The following CHSY3 variants were observed in gnomAD, a reference collection of about 807,000 sequenced individuals.
The protein encoded by CHSY3 is N-acetylgalactosaminyl-proteoglycan 3-beta-glucuronosyltransferase 3.
Under a neutral mutation model 67.2 loss-of-function variants are expected in CHSY3, and 35 were observed. That is an observed-to-expected ratio of 0.52 (90% CI 0.40 to 0.69). The LOEUF (loss-of-function observed/expected upper bound fraction) is 0.69, where lower values mean the gene tolerates loss of function less well. Ranked by LOEUF, CHSY3 falls within the 30% of genes least tolerant of loss-of-function variation. The pLI, the probability that CHSY3 is intolerant of heterozygous loss-of-function variation, is 0.00. For synonymous variants in CHSY3, 474 were observed against 434.7 expected, an observed-to-expected ratio of 1.09 and a Z score of -1.12; for missense variants, 1,069 against 1,138.5, an observed-to-expected ratio of 0.94 and a Z score of 0.88.
At chr5:130,164,789 C>T (rs1030136452) in intron 2 of CHSY3, among the ~76,000 whole-genome samples, 7 of 152,020 alleles carry the variant, frequency 4.6e-5, no homozygotes, top group African/African-American at 7.2e-5. Flanking sequence ...GATCAATAAA[C>T]AAATGTAAAA....
At chr5:130,017,314 C>T (rs1193526782) in intron 2 of CHSY3, among the ~76,000 whole-genome samples, 1 of 152,008 alleles carries the variant, frequency 6.6e-6, no homozygotes, top group Non-Finnish European at 1.5e-5. Flanking sequence ...TGATTGGAAT[C>T]CTGCTGCTTT....
chr5:130,099,508 G>A (rs1228030796), intron 2 of CHSY3, among the ~76,000 whole-genome samples: 2 of 152,116 alleles, frequency 1.3e-5, no homozygotes, highest in African/African-American at 4.8e-5. Flanking sequence ...AATATCCCCC[G>A]TCTTTATAAG....
At chr5:130,157,200 A>G (rs1364752519) in intron 2 of CHSY3, among the ~76,000 whole-genome samples, 1 of 152,256 alleles carries the variant, frequency 6.6e-6, no homozygotes, top group Non-Finnish European at 1.5e-5. Flanking sequence ...GTGAAGATTA[A>G]TAGAATAAAT....
intron 2 of CHSY3, among the ~76,000 whole-genome samples, chr5:130,050,150 C>G (rs1428335793): frequency 6.6e-6 from 1 of 152,098 alleles, no homozygotes; most frequent in Non-Finnish European, 1.5e-5. Flanking sequence ...GAATACACAT[C>G]AAACTACAAC....
In CHSY3 at chr5:130,185,405, A is replaced by G; in HGVS notation, c.2263A>G (p.Thr755Ala). The change falls in exon 3 of 3, where the codon ACA becomes GCA. Residue 755 changes from threonine (T) to alanine (A), a missense_variant. Thr to Ala is a moderately conservative substitution (Grantham distance 58). This residue lies in a region of CHSY3 where 139 missense variants were observed against 152.8 expected (regional missense o/e 0.91). Coordinates refer to ENST00000305031, the MANE Select transcript of CHSY3 (RefSeq NM_175856.5). ...IIFSQYDPKV[T>A]NGGNPPTDDY... is the part of the protein sequence containing the mutation. ...CTTTAGCCAGTATGACCCAAAGGTA[A>G]CAAACGGGGGAAATCCTCCCACTGA... The G allele has an allele frequency of 1.5e-5, 25 of 1,613,468 alleles. No homozygotes were observed. The highest frequency in any genetic ancestry group is 2.0e-5 in the Non-Finnish European group (24 of 1,179,400).
chr5:130,022,617 AT>A (rs1764426277), intron 2 of CHSY3, among the ~76,000 whole-genome samples: 1 of 151,918 alleles, frequency 6.6e-6, no homozygotes, highest in Admixed American at 6.6e-5. Context: ...TTAAAAATAC[AT>A]TTTTGACCAG....
chr5:129,954,141 T>C (rs889191319), intron 2 of CHSY3, among the ~76,000 whole-genome samples: 12 of 152,318 alleles, frequency 7.9e-5, no homozygotes, highest in African/African-American at 2.9e-4. Context: ...TAATCCATCT[T>C]GAGTTAATTT....
At chr5:130,101,763 C>T (rs1422414629) in intron 2 of CHSY3, among the ~76,000 whole-genome samples, 2 of 152,022 alleles carry the variant, frequency 1.3e-5, no homozygotes, top group Admixed American at 1.3e-4. Context: ...ATAAAAGGGA[C>T]ACTGGGAAAT....
At chr5:129,943,680 T>G (rs1295780686) in intron 2 of CHSY3, among the ~76,000 whole-genome samples, 1 of 152,212 alleles carries the variant, frequency 6.6e-6, no homozygotes, top group East Asian at 1.9e-4. Flanking sequence ...CTAACTACTT[T>G]GCAGACAGGT....
chr5:130,029,992 A>G (rs1764660288), intron 2 of CHSY3, among the ~76,000 whole-genome samples: 1 of 152,194 alleles, frequency 6.6e-6, no homozygotes, highest in South Asian at 2.1e-4. Flanking sequence ...GAAAGTTACT[A>G]CAGACACAAA....
intron 2 of CHSY3, among the ~76,000 whole-genome samples, chr5:130,084,240 T>G (rs1280266522): frequency 6.6e-6 from 1 of 152,022 alleles, no homozygotes; most frequent in African/African-American, 2.4e-5. Flanking sequence ...TGGGAATTTC[T>G]AATATTGAAC....
At chr5:130,140,608 CT>C in intron 2 of CHSY3, 1 of 436,516 alleles carries the variant, frequency 2.3e-6, no homozygotes, top group Non-Finnish European at 4.0e-6. Flanking sequence ...ACATGCTGAT[CT>C]TTGACCTGGG....
intron 2 of CHSY3, among the ~76,000 whole-genome samples, chr5:130,022,929 T>A (rs141404291): frequency 7.9e-5 from 12 of 152,004 alleles, no homozygotes; most frequent in Admixed American, 5.9e-4. Context: ...AAATTCGGAG[T>A]ATAAAAATAT....
intron 2 of CHSY3, among the ~76,000 whole-genome samples, chr5:130,073,460 G>A (rs563226188): frequency 5.9e-5 from 9 of 151,832 alleles, no homozygotes; most frequent in Admixed American, 5.9e-4. Flanking sequence ...ACTAGTTTTG[G>A]TATTTTTAGT....
intron 2 of CHSY3, chr5:130,141,611 A>G (rs1768868882): frequency 7.9e-6 from 4 of 509,198 alleles, no homozygotes; most frequent in South Asian, 5.9e-5. Flanking sequence ...GAAGATGAGA[A>G]GCAGAAGGAC....
chr5:130,093,844 A>G (rs1766960098), intron 2 of CHSY3, among the ~76,000 whole-genome samples: 1 of 152,164 alleles, frequency 6.6e-6, no homozygotes, highest in South Asian at 2.1e-4. Flanking sequence ...TCAGCATAGA[A>G]AAAGTCCATA....
At position 129,905,352 on chromosome 5, in the gene CHSY3, G is replaced by C. The variant is rs777844361; in HGVS notation, c.523G>C (p.Val175Leu). 2 of 1,568,374 alleles carry C rather than the reference G, an allele frequency of 1.3e-6. No homozygotes were observed. Among genetic ancestry groups the C allele is most frequent in the Non-Finnish European group, 8.6e-7 (1 of 1,160,722 alleles). The part of the protein sequence containing the change: ...PSARPRDFLY[V>L]GVMTAQKYLG... ...CGCCCGACCCCGGGACTTCCTGTAC[G>C]TGGGGGTGATGACCGCGCAGAAGTA... The change falls in exon 1 of 3, where the codon GTG becomes CTG. Residue 175 changes from valine (V) to leucine (L), a missense_variant. Coordinates refer to ENST00000305031, the MANE Select transcript of CHSY3 (RefSeq NM_175856.5).
At chr5:130,024,691 G>T (rs1280022951) in intron 2 of CHSY3, among the ~76,000 whole-genome samples, 1 of 151,948 alleles carries the variant, frequency 6.6e-6, no homozygotes, top group African/African-American at 2.4e-5. Context: ...GAAATTATTG[G>T]TAAACATGAA....
chr5:130,126,804 T>C (rs1451169426), intron 2 of CHSY3, among the ~76,000 whole-genome samples: 2 of 152,190 alleles, frequency 1.3e-5, no homozygotes, highest in Non-Finnish European at 2.9e-5. Flanking sequence ...GCCTCTATAA[T>C]TATCCAAGAA....
Sources: gnomAD v4.1 joint callset for allele counts (sites outside exome capture counted in the v4.1 genomes callset) on GRCh38, gnomAD v4.1.1 for gene constraint, gnomAD v4.1.1 regional missense constraint, MANE v1.5 for transcripts, NCBI Gene and HGNC (gene_info 2026-07-23, HGNC 2026-07-21) for gene names.